Variants in ROBO1 observed in about 807,000 individuals in gnomAD.
ROBO1 encodes roundabout guidance receptor 1, also known as roundabout homolog 1.
In ROBO1, 149 loss-of-function variants were observed where a neutral mutation model predicts 195.9. The ratio of observed to expected loss-of-function variants is 0.76; its 90% CI spans 0.67 to 0.87. ROBO1 has a LOEUF of 0.87. Among genes scored for constraint, ROBO1 ranks in the 40% least tolerant of loss-of-function variants. The pLI is 0.00. For missense variants in ROBO1, 1,933 were observed against 2,068.3 expected, an observed-to-expected ratio of 0.93 and a Z score of 1.27; for synonymous variants, 816 against 733.2, an observed-to-expected ratio of 1.11 and a Z score of -1.82.
intron 4 of ROBO1, among the ~76,000 whole-genome samples, chr3:78,837,310 T>G (rs932423077): frequency 6.6e-6 from 1 of 152,122 alleles, no homozygotes; most frequent in Admixed American, 6.6e-5. Context: ...TGATTTAAAA[T>G]TTCTCAACAG....
intron 8 of ROBO1, among the ~76,000 whole-genome samples, chr3:78,712,859 T>A (rs2081797823): frequency 6.6e-6 from 1 of 152,188 alleles, no homozygotes; most frequent in Non-Finnish European, 1.5e-5. Context: ...TAGCTGTTAG[T>A]TATAAAAGCA....
At chr3:79,386,447 T>A (rs1575757856) in intron 2 of ROBO1, among the ~76,000 whole-genome samples, 1 of 152,136 alleles carries the variant, frequency 6.6e-6, no homozygotes. Context: ...GTTTTTACCA[T>A]CAACGTATAA....
intron 2 of ROBO1, among the ~76,000 whole-genome samples, chr3:79,496,726 T>C (rs1232351496): frequency 1.3e-5 from 2 of 152,124 alleles, no homozygotes; most frequent in Non-Finnish European, 2.9e-5. Flanking sequence ...AGCCTTTAAA[T>C]GTAATATTAT....
At chr3:79,358,137 CT>C (rs2035629983) in intron 2 of ROBO1, among the ~76,000 whole-genome samples, 1 of 152,032 alleles carries the variant, frequency 6.6e-6, no homozygotes, top group African/African-American at 2.4e-5. Context: ...AAGCTATTCT[CT>C]TTGCCTCAAT....
chr3:79,279,652 A>G (rs2031353067), intron 2 of ROBO1, among the ~76,000 whole-genome samples: 1 of 152,126 alleles, frequency 6.6e-6, no homozygotes, highest in African/African-American at 2.4e-5. Flanking sequence ...AGTCAACTGT[A>G]CCTCCATATT....
intron 7 of ROBO1, among the ~76,000 whole-genome samples, chr3:78,716,973 C>T (rs2108070094): frequency 6.6e-6 from 1 of 152,120 alleles, no homozygotes; most frequent in African/African-American, 2.4e-5. Flanking sequence ...TACTACCAAA[C>T]CAAAAAACTA....
At chr3:79,031,810 A>T (rs533549782) in intron 3 of ROBO1, among the ~76,000 whole-genome samples, 2 of 152,316 alleles carry the variant, frequency 1.3e-5, no homozygotes, top group Admixed American at 1.3e-4. Context: ...TTTTTCAATT[A>T]ATAAGGGAAG....
chr3:78,628,198 T>G (rs1017582028), intron 25 of ROBO1, among the ~76,000 whole-genome samples: 2 of 152,092 alleles, frequency 1.3e-5, no homozygotes, highest in African/African-American at 4.8e-5. Context: ...AAGTGATCCA[T>G]CCGCCTCAGC....
Position 78,936,974 on chromosome 3 carries a change from T to C in ROBO1, c.499+1627A>G, listed in dbSNP as rs148335915. Among the ~76,000 whole-genome samples the C allele has an allele frequency of 1.1e-4, 17 of 152,278 alleles. No individual in the cohort carries two copies. The East Asian group carries it at 2.7e-3, about 24-fold the overall frequency. The stretch of plus-strand genomic sequence containing the variant: ...CAATAAGAGAAAGGTCATAAGTTCA[T>C]TGTTAGTTAACTGTGAATAGGCAAA... On this transcript the variant is annotated intron_variant, in intron 4 of 30. Coordinates refer to ENST00000464233, the MANE Select transcript of ROBO1 (RefSeq NM_002941.4).
chr3:79,178,420 C>T (rs1269965944), intron 2 of ROBO1, among the ~76,000 whole-genome samples: 1 of 152,028 alleles, frequency 6.6e-6, no homozygotes, highest in East Asian at 1.9e-4. Flanking sequence ...GAATTAGTAC[C>T]CTGGGCTCTT....
At position 79,196,926 on chromosome 3, in the gene ROBO1, T is replaced by A. The variant is rs764771711; in HGVS notation, c.89-71387A>T. On this transcript the variant is annotated intron_variant, in intron 2 of 30. Coordinates refer to ENST00000464233, the MANE Select transcript of ROBO1 (RefSeq NM_002941.4). ...CTGAGTTTGCATTAATTGGATGATA[T>A]CATGTTTTTAAATATCCTTAATCTG... is the stretch of plus-strand genomic sequence containing the variant. Among the ~76,000 whole-genome samples, 3 of 151,920 alleles carry A rather than the reference T, an allele frequency of 2.0e-5. No individual in the cohort carries two copies. In the South Asian group the frequency reaches 6.2e-4, roughly 32 times the overall value.
intron 2 of ROBO1, among the ~76,000 whole-genome samples, chr3:79,371,896 A>G (rs1234483528): frequency 6.6e-6 from 1 of 152,160 alleles, no homozygotes; most frequent in Non-Finnish European, 1.5e-5. Flanking sequence ...GTTTCTTGGA[A>G]GACAATTTTT....
At chr3:79,189,909 A>G (rs1478813587) in intron 2 of ROBO1, among the ~76,000 whole-genome samples, 1 of 151,710 alleles carries the variant, frequency 6.6e-6, no homozygotes, top group African/African-American at 2.4e-5. Context: ...AAGAGAATAC[A>G]CTAAATGGAT....
In ROBO1 at chr3:79,294,698, C is replaced by T. The variant is rs545187016; in HGVS notation, c.89-169159G>A. Reference sequence around the variant, plus strand: ...TGGGAGAAAATTTTTGCAATCTATCCATCTCACAAAGGGCTAATATCCAGA... The same window carrying T: ...TGGGAGAAAATTTTTGCAATCTATCTATCTCACAAAGGGCTAATATCCAGA... On this transcript the variant is annotated intron_variant, in intron 2 of 30. Coordinates refer to ENST00000464233, the MANE Select transcript of ROBO1 (RefSeq NM_002941.4). 4.5e-4 allele frequency among the ~76,000 whole-genome samples: 68 copies of T among 152,166 alleles called. 3 individuals are homozygous for T. The highest frequency in any genetic ancestry group is 3.7e-3 in the Admixed American group (56 of 15,296).
chr3:79,397,650 C>A (rs2037203603), intron 2 of ROBO1, among the ~76,000 whole-genome samples: 1 of 152,146 alleles, frequency 6.6e-6, no homozygotes, highest in South Asian at 2.1e-4. Context: ...ACAACCTATG[C>A]AACCGATAAG....
At chr3:79,703,234 T>C (rs1027016608) in intron 1 of ROBO1, among the ~76,000 whole-genome samples, 1 of 151,870 alleles carries the variant, frequency 6.6e-6, no homozygotes, top group African/African-American at 2.4e-5. Flanking sequence ...TGTCTTAAAA[T>C]GTATTATTTC....
Position 79,417,172 on chromosome 3 carries a change from A to G in ROBO1, c.88+172652T>C, listed in dbSNP as rs188829220. Among the ~76,000 whole-genome samples, 308 of 152,244 alleles carry G rather than the reference A, an allele frequency of 2.0e-3. 1 individual carries two copies. The highest frequency in any genetic ancestry group is 6.2e-3 in the African/African-American group (256 of 41,566). ...TTCTATTGAGAAGGGGGTGGAAATG[A>G]TGCTGTGATTCTAAGTCTAGATTGT... On this transcript the variant is annotated intron_variant, in intron 2 of 30. Transcript: ENST00000464233.
intron 2 of ROBO1, among the ~76,000 whole-genome samples, chr3:79,136,417 C>T (rs952120742): frequency 1.3e-5 from 2 of 152,004 alleles, no homozygotes; most frequent in Non-Finnish European, 2.9e-5. Flanking sequence ...TATCACAGTG[C>T]AGAGCTTTGG....
intron 4 of ROBO1, among the ~76,000 whole-genome samples, chr3:78,802,858 A>G (rs1395463489): frequency 6.6e-6 from 1 of 152,142 alleles, no homozygotes; most frequent in Non-Finnish European, 1.5e-5. Context: ...GATCATATAT[A>G]TGTTCTTACT....
Sources: allele counts gnomAD v4.1 joint callset (sites outside exome capture counted in the v4.1 genomes callset), GRCh38; gene constraint gnomAD v4.1.1; transcripts MANE v1.5; gene names NCBI Gene and HGNC (gene_info 2026-07-23, HGNC 2026-07-21).